Variants in ATG14 observed in about 807,000 individuals in gnomAD.
ATG14 encodes the protein autophagy related 14, also known as beclin 1-associated autophagy-related key regulator.
Under a neutral mutation model 60.4 loss-of-function variants are expected in ATG14, and 35 were observed. That is an observed-to-expected ratio of 0.58 (90% CI 0.44 to 0.77). ATG14 has a LOEUF of 0.77. Among genes scored for constraint, ATG14 ranks in the 30% least tolerant of loss-of-function variants. The pLI is 0.00. For synonymous variants in ATG14, 234 were observed against 228.8 expected (o/e 1.02, Z -0.21); for missense variants, 647 against 626.3 (o/e 1.03, Z -0.35).
chr14:55,384,893 A>G (rs958297603), intron 5 of ATG14, among the ~76,000 whole-genome samples: 1 of 152,154 alleles, frequency 6.6e-6, no homozygotes, highest in Admixed American at 6.5e-5. Flanking sequence ...AAAGATATAG[A>G]AATATTACAA....
rs776502190 is a variant in ATG14 at position 55,390,938 on chromosome 14, A to G, written c.382T>C (p.Cys128Arg). Residue 128 changes from cysteine (C) to arginine (R), a missense_variant, in exon 4 of 10, where the codon TGT (cysteine) becomes CGT (arginine). Coordinates refer to ENST00000247178, the MANE Select transcript of ATG14 (RefSeq NM_014924.5). ...MRIEQLKQTI[C>R]KGNEEMEKNS... ...TTCTCCATTTCTTCATTTCCTTTAC[A>G]TATTGTTTGTTTTAACTGTTCAATC... 13 of 1,604,134 alleles carry G rather than the reference A, an allele frequency of 8.1e-6. No individual in the cohort carries two copies. Among genetic ancestry groups the G allele is most frequent in the Non-Finnish European group, 1.0e-5 (12 of 1,173,864 alleles).
chr14:55,411,390 G>T (rs1885568860), intron 1 of ATG14, among the ~76,000 whole-genome samples: 1 of 152,198 alleles, frequency 6.6e-6, no homozygotes, highest in Non-Finnish European at 1.5e-5. Flanking sequence ...TCTTGGGTGG[G>T]TGATGGGGAA....
At chr14:55,380,528 G>GA (rs1885009500) in intron 7 of ATG14, 45 bp downstream of exon 7, 3 of 1,276,842 alleles carry the variant, frequency 2.3e-6, no homozygotes, top group Non-Finnish European at 3.4e-6. Flanking sequence ...ATAGAAACTT[G>GA]AAAGAGCCAT....
At chr14:55,403,778 A>G (rs941809434) in intron 1 of ATG14, among the ~76,000 whole-genome samples, 3 of 152,222 alleles carry the variant, frequency 2.0e-5, no homozygotes, top group African/African-American at 7.2e-5. Context: ...TGCATCATCT[A>G]TAATAGAGGC....
At chr14:55,402,926 AATATATATATATATAT>A (rs71131262) in intron 1 of ATG14, among the ~76,000 whole-genome samples, 403 of 16,346 alleles carry the variant, frequency 0.025, 8 homozygotes, top group African/African-American at 0.041. Flanking sequence ...AAAAAAAAAA[AATATATATATATATAT>A]ATATATATAT....
Position 55,367,349 on chromosome 14 carries a change from T to C in ATG14, c.*2270A>G, listed in dbSNP as rs897135895. 6.6e-6 allele frequency: 1 copy of C among 152,222 alleles called. No homozygotes were observed. The highest frequency in any genetic ancestry group is 1.5e-5 in the Non-Finnish European group (1 of 68,040). 9.4% of individuals were successfully genotyped at this position (152,222 alleles called of 1,614,324 possible). The stretch of plus-strand genomic sequence containing the variant: ...TTTATTTATCTGTTCAAGTCTACCA[T>C]CTTCACTCTCTACGAACTCCAGAAC... On this transcript the variant is annotated 3_prime_UTR_variant, in exon 10 of 10. Coordinates refer to ENST00000247178, the MANE Select transcript of ATG14 (RefSeq NM_014924.5).
chr14:55,375,925 T>A (rs187711229), intron 9 of ATG14, among the ~76,000 whole-genome samples: 1 of 152,312 alleles, frequency 6.6e-6, no homozygotes, highest in East Asian at 1.9e-4. Flanking sequence ...ATGATAGATA[T>A]CCACTAGTAA....
intron 5 of ATG14, among the ~76,000 whole-genome samples, chr14:55,383,380 A>G (rs1181147684): frequency 6.6e-6 from 1 of 152,022 alleles, no homozygotes; most frequent in East Asian, 1.9e-4. Flanking sequence ...GTGAAATGCC[A>G]TCGCTACTAA....
At chr14:55,378,378 C>T (rs1226965151) in intron 7 of ATG14, among the ~76,000 whole-genome samples, 1 of 152,212 alleles carries the variant, frequency 6.6e-6, no homozygotes, top group Non-Finnish European at 1.5e-5. Context: ...GAAGCATCAA[C>T]AGCAGACTGG....
In ATG14 at chr14:55,367,836, G is replaced by T. The variant is rs1276315599; in HGVS notation, c.*1783C>A. ...CCAAGGAATTTGTGACTACCGGATAGAAATAAACTCCGTTCTGCAACTCTA... is the reference window on the plus strand; with the variant it reads ...CCAAGGAATTTGTGACTACCGGATATAAATAAACTCCGTTCTGCAACTCTA... On this transcript the variant is annotated 3_prime_UTR_variant, in exon 10 of 10. Coordinates refer to ENST00000247178, the MANE Select transcript of ATG14 (RefSeq NM_014924.5). 4 of 151,720 alleles carry T rather than the reference G, an allele frequency of 2.6e-5. No homozygotes were observed. The allele number at this position is 151,720 out of a possible 1,614,324, so 9.4% of individuals were successfully genotyped here. A position where few individuals can be genotyped will look rare whatever the true frequency, so the allele number is the denominator to read the frequency against.
chr14:55,394,737 G>C (rs1323955146), intron 3 of ATG14, among the ~76,000 whole-genome samples: 4 of 152,148 alleles, frequency 2.6e-5, no homozygotes, highest in Admixed American at 2.6e-4. Flanking sequence ...CACGGGAACA[G>C]AAGTAATTAA....
chr14:55,380,722 AC>A, intron 6 of ATG14, 32 bp from the exon 7 acceptor site: 1 of 1,433,224 alleles, frequency 7.0e-7, no homozygotes, highest in Non-Finnish European at 9.7e-7. Context: ...CATGTACAAA[AC>A]CTTAATTCCA....
intron 2 of ATG14, 30 bp from the exon 3 acceptor site, chr14:55,396,012 C>A (rs755155090): frequency 7.2e-6 from 11 of 1,531,672 alleles, no homozygotes; most frequent in Admixed American, 2.1e-5. Context: ...AAAATAAGCT[C>A]TTAAAAATAA....
rs982597488 is a variant in ATG14, at chr14:55,366,847, A to G, written c.*2772T>C. ...TACATATGGTTCTGGCACCTACATG[A>G]AAGATTTTAATGAGCAGCAAAAAGA... On this transcript the variant is annotated 3_prime_UTR_variant, in exon 10 of 10. Transcript: ENST00000247178. 8 of 152,630 alleles carry G rather than the reference A, an allele frequency of 5.2e-5. No homozygotes were observed. The highest frequency in any genetic ancestry group is 1.9e-4 in the African/African-American group (8 of 41,438). The allele number at this position is 152,630 out of a possible 1,614,324, so 9.5% of individuals were successfully genotyped here.
intron 6 of ATG14, among the ~76,000 whole-genome samples, 185 bp from the exon 7 acceptor site, chr14:55,380,875 A>ATATATATATATTT (rs377330757): frequency 7.1e-5 from 8 of 112,704 alleles, no homozygotes; most frequent in African/African-American, 3.0e-4. Flanking sequence ...ATATATATAT[A>ATATATATATATTT]TTTTTTTTTT....
At chr14:55,411,520 G>T in intron 1 of ATG14, 82 bp downstream of exon 1, 2 of 1,362,570 alleles carry the variant, frequency 1.5e-6, no homozygotes, top group Non-Finnish European at 2.0e-6. Context: ...GCCCGGACGG[G>T]GAGCCCCAGG....
At chr14:55,400,992 T>C (rs990643329) in intron 1 of ATG14, among the ~76,000 whole-genome samples, 3 of 151,888 alleles carry the variant, frequency 2.0e-5, no homozygotes, top group African/African-American at 7.3e-5. Flanking sequence ...TACAGCAAAA[T>C]TGTGGGCAAT....
chr14:55,380,876 T>TATATATA (rs1555341864), intron 6 of ATG14, among the ~76,000 whole-genome samples, 186 bp from the exon 7 acceptor site: 1,324 of 83,580 alleles, frequency 0.016, 8 homozygotes, highest in African/African-American at 0.039. Flanking sequence ...TATATATATA[T>TATATATA]TTTTTTTTTT....
intron 1 of ATG14, among the ~76,000 whole-genome samples, chr14:55,400,775 G>A (rs1885384473): frequency 6.6e-6 from 1 of 152,042 alleles, no homozygotes; most frequent in Non-Finnish European, 1.5e-5. Context: ...GTGGTGGCGG[G>A]CACCTGTAAT....
Sources: allele counts gnomAD v4.1 joint callset (sites outside exome capture counted in the v4.1 genomes callset), GRCh38; gene constraint gnomAD v4.1.1; transcripts MANE v1.5; gene names NCBI Gene and HGNC (gene_info 2026-07-23, HGNC 2026-07-21).